The following DIP2C variants were observed in gnomAD, a reference collection of about 807,000 sequenced individuals.
DIP2C encodes DIP2 acetate--CoA ligase C (putative), also known as disco-interacting protein 2 homolog C.
A neutral mutation model predicts 192.4 loss-of-function variants in DIP2C; 33 were observed. The ratio of observed to expected loss-of-function variants is 0.17; its 90% CI spans 0.13 to 0.23. DIP2C has a LOEUF of 0.23. DIP2C is among the 10% of genes least tolerant of loss of function. The pLI is 1.00. For synonymous variants in DIP2C, 979 were observed against 864.1 expected (o/e 1.13, Z -2.33); for missense variants, 1,537 against 2,110.1 (o/e 0.73, Z 5.32).
At chr10:301,436 C>G (rs2132266890) in intron 32 of DIP2C, among the ~76,000 whole-genome samples, 1 of 152,276 alleles carries the variant, frequency 6.6e-6, no homozygotes, top group Non-Finnish European at 1.5e-5. Context: ...GAAAAGGCAG[C>G]TGCAGCGGGT....
At chr10:524,787 G>A (rs1846951982) in intron 1 of DIP2C, among the ~76,000 whole-genome samples, 1 of 151,906 alleles carries the variant, frequency 6.6e-6, no homozygotes, top group African/African-American at 2.4e-5. Flanking sequence ...TAAGCATTAG[G>A]GAGTTCATTT....
intron 1 of DIP2C, among the ~76,000 whole-genome samples, chr10:490,825 T>A (rs1370877981): frequency 6.6e-6 from 1 of 152,042 alleles, no homozygotes; most frequent in Non-Finnish European, 1.5e-5. Context: ...AAGCAGAAAT[T>A]AAAATCACAA....
chr10:347,540 ACACAT>A (rs1958553397), intron 26 of DIP2C, among the ~76,000 whole-genome samples: 1 of 128,382 alleles, frequency 7.8e-6, no homozygotes, highest in Non-Finnish European at 1.6e-5. Flanking sequence ...CCCAACCCAG[ACACAT>A]CGCGCATAGC....
At chr10:631,030 T>A (rs1564287508) in intron 1 of DIP2C, 1 of 152,212 alleles carries the variant, frequency 6.6e-6, no homozygotes, top group Non-Finnish European at 1.5e-5. Context: ...GGAAAGCGGG[T>A]TGGAGGCCTG....
At chr10:306,914 G>A (rs989807407) in intron 32 of DIP2C, among the ~76,000 whole-genome samples, 2 of 152,220 alleles carry the variant, frequency 1.3e-5, no homozygotes, top group African/African-American at 4.8e-5. Flanking sequence ...GATTCCCAGG[G>A]TTGGAGGTGG....
chr10:526,685 C>G (rs192989419), intron 1 of DIP2C, among the ~76,000 whole-genome samples: 31 of 152,334 alleles, frequency 2.0e-4, no homozygotes, highest in Non-Finnish European at 7.3e-5. Context: ...TCTAAGGACT[C>G]GTCCACACTG....
intron 1 of DIP2C, among the ~76,000 whole-genome samples, chr10:519,510 G>A (rs947702804): frequency 1.3e-5 from 2 of 152,102 alleles, no homozygotes; most frequent in African/African-American, 4.8e-5. Context: ...ACACATACAT[G>A]GGACCTCCAT....
chr10:476,296 T>A (rs1011047548), intron 2 of DIP2C, among the ~76,000 whole-genome samples: 14 of 152,274 alleles, frequency 9.2e-5, no homozygotes, highest in Admixed American at 7.2e-4. Flanking sequence ...AGGCACCAGC[T>A]CAGATCCGGT....
intron 1 of DIP2C, among the ~76,000 whole-genome samples, chr10:525,395 G>C (rs1455825779): frequency 6.6e-6 from 1 of 152,132 alleles, no homozygotes; most frequent in Non-Finnish European, 1.5e-5. Context: ...GCGTATCTCA[G>C]AATGAAAATA....
intron 2 of DIP2C, among the ~76,000 whole-genome samples, chr10:473,344 T>G (rs1015163309): frequency 1.3e-5 from 2 of 152,134 alleles, no homozygotes; most frequent in African/African-American, 4.8e-5. Flanking sequence ...GGGAACAATA[T>G]CACCCCACAG....
Position 349,326 on chromosome 10 carries a change from T to C in DIP2C, c.3109+5A>G, listed in dbSNP as rs4880611. ...TCTCAGGGGAAGCCCACCCTGCGCC[T>C]GTACCTGGGGGGTAGACCAAGGCCA... On this transcript the variant is annotated splice_donor_5th_base_variant and intron_variant, in intron 25 of 36. Transcript: ENST00000280886. 1 allele frequency: 1,596,101 copies of C among 1,601,950 alleles called. 795,285 individuals are homozygous for C. The highest frequency in any genetic ancestry group is 1 in the East Asian group (44,718 of 44,718).
At chr10:366,178 G>A in intron 19 of DIP2C, 97 bp downstream of exon 19, 1 of 1,509,462 alleles carries the variant, frequency 6.6e-7, no homozygotes, top group Non-Finnish European at 9.0e-7. Context: ...TTGCTAAAAT[G>A]GATCTTACAT....
intron 32 of DIP2C, among the ~76,000 whole-genome samples, chr10:290,944 G>T (rs963647007): frequency 2.0e-5 from 3 of 152,252 alleles, no homozygotes; most frequent in African/African-American, 7.2e-5. Context: ...ACTTCAGACA[G>T]GGTAAGGGGG....
chr10:528,827 T>TC (rs1442992052), intron 1 of DIP2C, among the ~76,000 whole-genome samples: 4 of 152,186 alleles, frequency 2.6e-5, no homozygotes, highest in African/African-American at 9.7e-5. Flanking sequence ...GTTACCATCC[T>TC]CCGTGGGGCT....
At chr10:314,207 G>A (rs1378456618) in intron 31 of DIP2C, among the ~76,000 whole-genome samples, 1 of 152,216 alleles carries the variant, frequency 6.6e-6, no homozygotes, top group Non-Finnish European at 1.5e-5. Context: ...TACCGGCTTA[G>A]AGAAGCCTTA....
intron 1 of DIP2C, among the ~76,000 whole-genome samples, chr10:546,790 C>CA (rs34489749): frequency 0.012 from 1,852 of 150,188 alleles, 37 homozygotes; most frequent in African/African-American, 0.041. Context: ...TTCATTATGT[C>CA]AAAAAAAAAA....
At chr10:509,666 C>G (rs1024704570) in intron 1 of DIP2C, among the ~76,000 whole-genome samples, 8 of 152,124 alleles carry the variant, frequency 5.3e-5, no homozygotes, top group Non-Finnish European at 8.8e-5. Context: ...GAGAGAGAGG[C>G]ATCTAAGGGG....
intron 1 of DIP2C, among the ~76,000 whole-genome samples, chr10:593,189 ACTGGGTTTCCATCC>A (rs1851500714): frequency 6.6e-6 from 1 of 151,974 alleles, no homozygotes; most frequent in African/African-American, 2.4e-5. Context: ...CAGGACACTC[ACTGGGTTTCCATCC>A]CTGCCTCATT....
At chr10:669,463 C>T (rs1255014383) in intron 1 of DIP2C, 1 of 152,190 alleles carries the variant, frequency 6.6e-6, no homozygotes, top group Admixed American at 6.5e-5. Context: ...TTCACTGAAC[C>T]TGCACTCAAC....
Sources: allele counts gnomAD v4.1 joint callset (sites outside exome capture counted in the v4.1 genomes callset), GRCh38; gene constraint gnomAD v4.1.1; transcripts MANE v1.5; gene names NCBI Gene and HGNC (gene_info 2026-07-23, HGNC 2026-07-21).